The following ARHGAP32 variants were observed in gnomAD, a reference collection of about 807,000 sequenced individuals.
ARHGAP32 encodes rho GTPase-activating protein 32.
In ARHGAP32, 51 loss-of-function variants were observed where a neutral mutation model predicts 186.5. That is an observed-to-expected ratio of 0.27 (90% CI 0.22 to 0.35). The LOEUF (loss-of-function observed/expected upper bound fraction) is 0.35, where lower values mean the gene tolerates loss of function less well. ARHGAP32 is among the 10% of genes least tolerant of loss of function. ARHGAP32 has a pLI of 1.00. For synonymous variants in ARHGAP32, 950 were observed against 964.3 expected, an observed-to-expected ratio of 0.99 and a Z score of 0.27; for missense variants, 2,186 against 2,623.5, an observed-to-expected ratio of 0.83 and a Z score of 3.64.
At chr11:129,214,600 C>T (rs1374054476) in intron 1 of ARHGAP32, among the ~76,000 whole-genome samples, 1 of 152,152 alleles carries the variant, frequency 6.6e-6, no homozygotes, top group East Asian at 1.9e-4. Context: ...CTTCACTCTG[C>T]TCTCCAGAGG....
At chr11:129,247,758 A>C (rs1182528686) in intron 1 of ARHGAP32, among the ~76,000 whole-genome samples, 1 of 152,178 alleles carries the variant, frequency 6.6e-6, no homozygotes, top group Non-Finnish European at 1.5e-5. Context: ...CAAAACAGGA[A>C]TAAAATATAT....
At chr11:129,147,604 A>G (rs1020601450) in intron 2 of ARHGAP32, among the ~76,000 whole-genome samples, 6 of 152,322 alleles carry the variant, frequency 3.9e-5, no homozygotes, top group African/African-American at 1.4e-4. Context: ...AATGAGAGTA[A>G]TACAGATCAT....
intron 10 of ARHGAP32, among the ~76,000 whole-genome samples, chr11:129,054,565 A>G (rs142254246): frequency 2.0e-5 from 3 of 152,256 alleles, no homozygotes; most frequent in Non-Finnish European, 4.4e-5. Flanking sequence ...ATATATTAAC[A>G]TGTTGTATTT....
intron 10 of ARHGAP32, among the ~76,000 whole-genome samples, chr11:129,051,608 A>G (rs1349072594): frequency 6.6e-6 from 1 of 152,218 alleles, no homozygotes; most frequent in Non-Finnish European, 1.5e-5. Flanking sequence ...CAAAGCCACA[A>G]AAGTTTTCTC....
chr11:129,006,110 G>A (rs1437701243), intron 11 of ARHGAP32, among the ~76,000 whole-genome samples: 1 of 152,120 alleles, frequency 6.6e-6, no homozygotes, highest in Non-Finnish European at 1.5e-5. Context: ...AAACATATCT[G>A]ATAGAATTCT....
chr11:129,199,482 G>A (rs550856485), intron 1 of ARHGAP32, among the ~76,000 whole-genome samples: 1 of 152,356 alleles, frequency 6.6e-6, no homozygotes, highest in East Asian at 1.9e-4. Flanking sequence ...GCTAAAAGGG[G>A]CCAAGATACA....
At chr11:129,170,144 A>C (rs1226753350) in intron 1 of ARHGAP32, among the ~76,000 whole-genome samples, 1 of 151,860 alleles carries the variant, frequency 6.6e-6, no homozygotes, top group Non-Finnish European at 1.5e-5. Context: ...ATCAAGCCCT[A>C]TAATTGATCA....
intron 1 of ARHGAP32, among the ~76,000 whole-genome samples, chr11:129,190,439 A>C (rs1944247949): frequency 6.6e-6 from 1 of 152,240 alleles, no homozygotes. Context: ...CTATTCAGAT[A>C]GGAAATATAA....
At chr11:129,064,156 T>C (rs1940609589) in intron 8 of ARHGAP32, 132 bp from the exon 9 acceptor site, 1 of 695,328 alleles carries the variant, frequency 1.4e-6, no homozygotes, top group Non-Finnish European at 2.2e-6. Context: ...AAAACTACCA[T>C]TTACTGGGTA....
chr11:129,174,143 C>T lies in ARHGAP32; in HGVS notation c.117-9716G>A, dbSNP rs529127033. Among the ~76,000 whole-genome samples the T allele has an allele frequency of 3.9e-5, 6 of 152,326 alleles. No homozygotes were observed. In the South Asian group the frequency reaches 1.2e-3, roughly 32 times the overall value. ...GCCTCACTCGGGAAGCGCAGAGGGT[C>T]AGGGAGTTCCCTTTCCTAGTCAAAG... On this transcript the variant is annotated intron_variant, in intron 1 of 22. Transcript: ENST00000682385.
intron 1 of ARHGAP32, among the ~76,000 whole-genome samples, chr11:129,227,870 G>C (rs1267906748): frequency 6.6e-6 from 1 of 152,112 alleles, no homozygotes; most frequent in Non-Finnish European, 1.5e-5. Context: ...GAACAGCACT[G>C]TAAATCAACC....
chr11:129,083,679 TA>T (rs977307515), intron 6 of ARHGAP32, among the ~76,000 whole-genome samples: 1 of 152,098 alleles, frequency 6.6e-6, no homozygotes, highest in Non-Finnish European at 1.5e-5. Context: ...CTTATCCATA[TA>T]ATCAAACACC....
At chr11:129,197,190 A>C (rs1944403377), upstream of ARHGAP32, among the ~76,000 whole-genome samples, 1 of 152,168 alleles carries the variant, frequency 6.6e-6, no homozygotes, top group Non-Finnish European at 1.5e-5. Context: ...CTGATCTCAC[A>C]GTTTTTTATT....
chr11:129,182,633 T>C (rs1013284631), intron 1 of ARHGAP32, among the ~76,000 whole-genome samples: 5 of 151,850 alleles, frequency 3.3e-5, no homozygotes, highest in African/African-American at 9.7e-5. Context: ...TAATTCTCTA[T>C]GTTTTCTATT....
intron 6 of ARHGAP32, among the ~76,000 whole-genome samples, chr11:129,088,994 T>TGAA (rs1565416702): frequency 3.1e-5 from 2 of 65,572 alleles, no homozygotes. Context: ...AGAGACCTTG[T>TGAA]CAAAAAAAAA....
In ARHGAP32 at chr11:128,974,333, T is replaced by C. The variant is rs1945481762; in HGVS notation, c.2864A>G (p.Lys955Arg). The change falls in exon 21 of 23, where the codon AAA becomes AGA. Residue 955 changes from lysine (K) to arginine (R), a missense_variant. This residue lies in a region of ARHGAP32 where 1,502 missense variants were observed against 1,570.0 expected (regional missense o/e 0.96). Transcript: ENST00000682385. ...AQNASSSTWD[K>R]CVEERDATNR... ...TGTGGCATCCCTTTCTTCAACGCAT[T>C]TGTCCCAGGTTGAAGATGATGCATT... 3.1e-6 allele frequency: 5 copies of C among 1,614,204 alleles called. No homozygotes were observed. Among genetic ancestry groups the C allele is most frequent in the Non-Finnish European group, 4.2e-6 (5 of 1,180,040 alleles).
upstream of ARHGAP32, among the ~76,000 whole-genome samples, chr11:129,193,977 A>G (rs1437146647): frequency 1.3e-5 from 2 of 151,476 alleles, no homozygotes; most frequent in Non-Finnish European, 2.9e-5. Flanking sequence ...TAATACTCAG[A>G]GATAAACATA....
At chr11:129,184,355 A>G in intron 1 of ARHGAP32, among the ~76,000 whole-genome samples, 1 of 152,158 alleles carries the variant, frequency 6.6e-6, no homozygotes, top group East Asian at 1.9e-4. Context: ...TCAGAATAAA[A>G]CAGAACATGT....
chr11:129,062,192 C>T, intron 10 of ARHGAP32, 88 bp downstream of exon 10: 1 of 1,070,218 alleles, frequency 9.3e-7, no homozygotes, highest in Non-Finnish European at 1.4e-6. Flanking sequence ...TGACAAAGTC[C>T]ATTACCAGCA....
Sources: allele counts gnomAD v4.1 joint callset (sites outside exome capture counted in the v4.1 genomes callset), GRCh38; gene constraint gnomAD v4.1.1; regional missense constraint gnomAD v4.1.1; transcripts MANE v1.5; gene names NCBI Gene and HGNC (gene_info 2026-07-23, HGNC 2026-07-21).